Variants in TSPAN16 observed in about 807,000 individuals in gnomAD.
TSPAN16 encodes tetraspanin 16, also known as tetraspanin-16.
Under a neutral mutation model 25.2 loss-of-function variants are expected in TSPAN16, and 23 were observed. The observed-to-expected ratio is 0.91, with a 90% CI of 0.66 to 1.29. TSPAN16 has a LOEUF of 1.29. Ranked by LOEUF, TSPAN16 falls within the 50% of genes most tolerant of loss-of-function variation. TSPAN16 has a pLI of 0.00. For synonymous variants in TSPAN16, 123 were observed against 124.4 expected, an observed-to-expected ratio of 0.99 and a Z score of 0.08; for missense variants, 272 against 299.9, an observed-to-expected ratio of 0.91 and a Z score of 0.69.
intron 3 of TSPAN16, 98 bp downstream of exon 3, chr19:11,299,044 C>T: frequency 8.8e-6 from 11 of 1,252,116 alleles, no homozygotes; most frequent in Non-Finnish European, 1.3e-5. Flanking sequence ...TTTTGGGAGG[C>T]TGAGTCTGGT....
intron 6 of TSPAN16, among the ~76,000 whole-genome samples, chr19:11,321,037 A>C (rs539737189): frequency 1.4e-4 from 22 of 151,812 alleles, no homozygotes; most frequent in Non-Finnish European, 2.5e-4. Flanking sequence ...GGCGTAGTGG[A>C]GTGTGCCTGT....
At chr19:11,310,137 C>T (rs771826059) in intron 5 of TSPAN16, among the ~76,000 whole-genome samples, 1 of 151,718 alleles carries the variant, frequency 6.6e-6, no homozygotes, top group Admixed American at 6.6e-5. Context: ...AAAGGGGGCA[C>T]GGAACAGTGA....
downstream of TSPAN16, among the ~76,000 whole-genome samples, chr19:11,318,175 C>T (rs10403875): frequency 0.036 from 5,474 of 151,924 alleles, 335 homozygotes; most frequent in African/African-American, 0.12. Flanking sequence ...TACAGGCACC[C>T]GCTACCATGC....
chr19:11,305,538 TAATAAA>T (rs200284233), intron 4 of TSPAN16, among the ~76,000 whole-genome samples: 11,140 of 149,424 alleles, frequency 0.075, 633 homozygotes, highest in Admixed American at 0.14. Context: ...TCAAAAAAAA[TAATAAA>T]AATAAAAATA....
At chr19:11,314,679 A>G (rs919495066) in intron 6 of TSPAN16, among the ~76,000 whole-genome samples, 3 of 152,112 alleles carry the variant, frequency 2.0e-5, no homozygotes, top group African/African-American at 7.2e-5. Context: ...GACAGGGTTC[A>G]GTGAAATGAG....
At position 11,303,571 on chromosome 19, in the gene TSPAN16, AT is replaced by A. The variant is rs1294788191; in HGVS notation, c.450+2264del. ...TGATCAATAAAAAATAAATAAATAA[AT>A]AAATTAAAAAAAAAAAAAAAAAAAA... On this transcript the variant is annotated intron_variant, in intron 4 of 6. Transcript: ENST00000590327. 1.0e-3 allele frequency among the ~76,000 whole-genome samples: 122 copies of A among 121,890 alleles called. 2 individuals carry two copies. The highest frequency in any genetic ancestry group is 2.4e-3 in the African/African-American group (71 of 29,010). The allele number at this position is 121,890 out of a possible 152,430, so 80.0% of individuals were successfully genotyped here. A position where few individuals can be genotyped will look rare whatever the true frequency, so the allele number is the denominator to read the frequency against.
intron 4 of TSPAN16, among the ~76,000 whole-genome samples, chr19:11,304,251 C>T (rs911202843): frequency 2.0e-5 from 3 of 151,538 alleles, no homozygotes; most frequent in African/African-American, 7.3e-5. Flanking sequence ...AAGCCATTGC[C>T]TGTCTCCAGG....
chr19:11,323,716 C>G (rs994405091), intron 6 of TSPAN16: 2 of 152,276 alleles, frequency 1.3e-5, no homozygotes, highest in Non-Finnish European at 2.9e-5. Flanking sequence ...ACACATACCC[C>G]AGGGAAGAGG....
At chr19:11,314,407 T>G (rs17842633) in intron 6 of TSPAN16, among the ~76,000 whole-genome samples, 4,181 of 152,294 alleles carry the variant, frequency 0.027, 189 homozygotes, top group African/African-American at 0.097. Flanking sequence ...AAGAAATTTT[T>G]CCTACATGCT....
At chr19:11,320,837 A>G (rs1226711703), downstream of TSPAN16, among the ~76,000 whole-genome samples, 1 of 152,056 alleles carries the variant, frequency 6.6e-6, no homozygotes, top group African/African-American at 2.4e-5. Flanking sequence ...CTGTTTTCCT[A>G]CTGCTGGAAA....
intron 6 of TSPAN16, among the ~76,000 whole-genome samples, chr19:11,315,286 G>A (rs1313927625): frequency 6.2e-5 from 9 of 145,486 alleles, no homozygotes; most frequent in Non-Finnish European, 9.0e-5. Context: ...GGCCAGGCGC[G>A]GTGGCTCACG....
chr19:11,325,357 C>T, intron 6 of TSPAN16: 1 of 1,139,394 alleles, frequency 8.8e-7, no homozygotes, highest in Non-Finnish European at 1.1e-6. Context: ...ACAGTCCCTG[C>T]CGAGGCAGGA....
chr19:11,320,542 G>A (rs2080772041), downstream of TSPAN16, among the ~76,000 whole-genome samples: 1 of 152,032 alleles, frequency 6.6e-6, no homozygotes, highest in South Asian at 2.1e-4. Context: ...ATGTGGTGGT[G>A]CTTGCTTGTA....
At chr19:11,301,619 G>A (rs1240077452) in intron 4 of TSPAN16, among the ~76,000 whole-genome samples, 6 of 149,074 alleles carry the variant, frequency 4.0e-5, no homozygotes, top group Non-Finnish European at 7.4e-5. Context: ...CAGCCTGGGC[G>A]ACAGAGGGAG....
chr19:11,320,213 A>C (rs1599351652), downstream of TSPAN16, among the ~76,000 whole-genome samples: 3 of 124,752 alleles, frequency 2.4e-5, no homozygotes, highest in South Asian at 2.5e-4. Context: ...CTTCTGCCCC[A>C]CTTGTTCAAG....
chr19:11,310,069 C>T (rs1436053372), intron 5 of TSPAN16, among the ~76,000 whole-genome samples: 1 of 151,430 alleles, frequency 6.6e-6, no homozygotes, highest in Non-Finnish European at 1.5e-5. Context: ...CATGCCACTG[C>T]ATCCAGTCTG....
intron 2 of TSPAN16, 35 bp downstream of exon 2, chr19:11,298,374 C>T: frequency 6.3e-7 from 1 of 1,595,198 alleles, no homozygotes; most frequent in Non-Finnish European, 8.6e-7. Flanking sequence ...CCAGAACTGC[C>T]TCCCCACACA....
chr19:11,298,823 G>A (rs1325887809), intron 2 of TSPAN16, 49 bp from the exon 3 acceptor site: 1 of 1,554,842 alleles, frequency 6.4e-7, no homozygotes, highest in Admixed American at 1.7e-5. Context: ...ATAAGGTCGG[G>A]AGGAGGCTGA....
intron 5 of TSPAN16, among the ~76,000 whole-genome samples, chr19:11,307,241 T>TC (rs2080639069): frequency 6.6e-6 from 1 of 151,894 alleles, no homozygotes; most frequent in Non-Finnish European, 1.5e-5. Context: ...TGCCTCAGCC[T>TC]CCCGAGTAGC....
Sources: allele counts gnomAD v4.1 joint callset (sites outside exome capture counted in the v4.1 genomes callset), GRCh38; gene constraint gnomAD v4.1.1; transcripts MANE v1.5; gene names NCBI Gene and HGNC (gene_info 2026-07-23, HGNC 2026-07-21).